PDE3A: variants seen among roughly 807,000 people sequenced by gnomAD.
PDE3A encodes the protein cGMP-inhibited 3',5'-cyclic phosphodiesterase 3A.
Under a neutral mutation model 98.3 loss-of-function variants are expected in PDE3A, and 43 were observed. The ratio of observed to expected loss-of-function variants is 0.44; its 90% CI spans 0.34 to 0.56. PDE3A has a LOEUF of 0.56. Among genes scored for constraint, PDE3A ranks in the 20% least tolerant of loss-of-function variants. The probability of loss-of-function intolerance (pLI) is 0.01; values close to 1 mark genes in which losing one functional copy is unlikely to be tolerated. For synonymous variants in PDE3A, 663 were observed against 567.9 expected, an observed-to-expected ratio of 1.17 and a Z score of -2.38; for missense variants, 1,427 against 1,440.7, an observed-to-expected ratio of 0.99 and a Z score of 0.15.
At chr12:20,498,766 T>C (rs753091452) in intron 1 of PDE3A, among the ~76,000 whole-genome samples, 1 of 152,214 alleles carries the variant, frequency 6.6e-6, no homozygotes. Context: ...GTAGAACCTA[T>C]AAAATTGAAC....
At chr12:20,476,927 A>C (rs2120989830) in intron 1 of PDE3A, among the ~76,000 whole-genome samples, 1 of 152,346 alleles carries the variant, frequency 6.6e-6, no homozygotes, top group South Asian at 2.1e-4. Flanking sequence ...CATTAACAAT[A>C]AAGTGGCAGC....
intron 1 of PDE3A, among the ~76,000 whole-genome samples, chr12:20,421,503 G>C (rs547339747): frequency 6.6e-6 from 1 of 151,424 alleles, no homozygotes; most frequent in Non-Finnish European, 1.5e-5. Flanking sequence ...CAATTATGTT[G>C]CCATCTATCT....
At chr12:20,433,219 G>A (rs1376429461) in intron 1 of PDE3A, among the ~76,000 whole-genome samples, 2 of 152,114 alleles carry the variant, frequency 1.3e-5, no homozygotes, top group African/African-American at 4.8e-5. Flanking sequence ...GTGGGACACA[G>A]CAGACCTGTG....
intron 2 of PDE3A, among the ~76,000 whole-genome samples, chr12:20,591,075 T>G (rs1943329073): frequency 6.6e-6 from 1 of 152,228 alleles, no homozygotes. Flanking sequence ...TAAAACAATG[T>G]GTTTCTGAAT....
At chr12:20,607,167 G>A (rs183859699) in intron 2 of PDE3A, among the ~76,000 whole-genome samples, 15 of 152,044 alleles carry the variant, frequency 9.9e-5, no homozygotes, top group African/African-American at 1.7e-4. Context: ...AGTCGGGCGC[G>A]GTGGCTAACA....
chr12:20,654,309 C>T lies in PDE3A; in HGVS notation c.3184+104C>T, dbSNP rs889164146. On this transcript the variant is annotated intron_variant, in intron 15 of 15. Transcript: ENST00000359062. ...AAATACACAATACTTCAAGTCTAAA[C>T]ATCATTTGCGGAGTTTGACTACGGA... is the stretch of plus-strand genomic sequence containing the variant. The T allele has an allele frequency of 3.6e-6, 4 of 1,108,670 alleles. No individual in the cohort carries two copies. The African/African-American group carries it at 6.3e-5, about 17-fold the overall frequency. The allele number at this position is 1,108,670 out of a possible 1,614,324, so 68.7% of individuals were successfully genotyped here.
At chr12:20,662,129 T>C (rs531017221) in intron 15 of PDE3A, among the ~76,000 whole-genome samples, 59 of 152,238 alleles carry the variant, frequency 3.9e-4, no homozygotes, top group African/African-American at 1.4e-3. Context: ...GTAAGTCCAA[T>C]AAACTTCTTT....
intron 4 of PDE3A, among the ~76,000 whole-genome samples, chr12:20,617,957 T>A (rs1312456511): frequency 6.6e-6 from 1 of 152,090 alleles, no homozygotes; most frequent in African/African-American, 2.4e-5. Flanking sequence ...AAATGGATCA[T>A]CCAAATATTT....
In PDE3A at chr12:20,552,649, T is replaced by C. The variant is rs1942245479; in HGVS notation, c.961-4011T>C. 6.2e-7 allele frequency: 1 copy of C among 1,613,814 alleles called. No individual in the cohort carries two copies. The highest frequency in any genetic ancestry group is 1.3e-5 in the African/African-American group (1 of 75,036). On this transcript the variant is annotated intron_variant, in intron 1 of 15. Transcript: ENST00000359062. This position sits in a 1 kb window ranked among gnomAD's most constrained non-coding sequence, Gnocchi z 5.1. ...ATCCAAGAAAACCAAGGTGGAGCCC[T>C]ACAGTCTCACGGCCCAGCAGAGCAG...
chr12:20,629,875 T>C (rs988120977), intron 5 of PDE3A, 33 bp from the exon 6 acceptor site: 3 of 1,521,294 alleles, frequency 2.0e-6, no homozygotes, highest in South Asian at 1.1e-5. Flanking sequence ...TTAAAGACAT[T>C]TGTTTAGTTA....
Position 20,648,761 on chromosome 12 carries a change from G to A in PDE3A, c.2639G>A (p.Arg880Gln), listed in dbSNP as rs375107258. The A allele has an allele frequency of 1.1e-5, 17 of 1,612,762 alleles. No homozygotes were observed. Among genetic ancestry groups the A allele is most frequent in the African/African-American group, 2.7e-5 (2 of 74,926 alleles). The change falls in exon 13 of 16, where the codon CGG (arginine) becomes CAG (glutamine). Residue 880 changes from arginine (R) to glutamine (Q), a missense_variant. Around this residue, in one of 3 missense-constraint regions of PDE3A, gnomAD observed 273 missense variants for 420.3 expected, o/e 0.65. Coordinates refer to ENST00000359062, the MANE Select transcript of PDE3A (RefSeq NM_000921.5). The stretch of plus-strand genomic sequence containing the variant: ...GCTGCATGGAATCTTTTCATGTCCC[G>A]GCCAGAGTATAACTTCTTAATTAAC... ...AAAAWNLFMS[R>Q]PEYNFLINLD...
At chr12:20,386,170 TAA>T (rs374386815) in intron 1 of PDE3A, among the ~76,000 whole-genome samples, 16 of 91,418 alleles carry the variant, frequency 1.8e-4, no homozygotes, top group African/African-American at 7.0e-4. Context: ...TATAAATATA[TAA>T]AAATATATAT....
At chr12:20,532,878 C>T (rs1592026844) in intron 1 of PDE3A, among the ~76,000 whole-genome samples, 1 of 152,046 alleles carries the variant, frequency 6.6e-6, no homozygotes. Flanking sequence ...TTAGTAGAGA[C>T]GGGGTTTCAC....
At chr12:20,633,632 A>G (rs1944432526) in intron 6 of PDE3A, 61 bp from the exon 7 acceptor site, 12 of 801,098 alleles carry the variant, frequency 1.5e-5, no homozygotes, top group Non-Finnish European at 2.5e-5. Flanking sequence ...CATAGATGGT[A>G]TGTGCCTATG....
chr12:20,378,708 G>A lies in PDE3A; in HGVS notation c.960+8464G>A, dbSNP rs78287690. Among the ~76,000 whole-genome samples the A allele has an allele frequency of 4.4e-3, 664 of 151,824 alleles. 3 individuals are homozygous for A. Among genetic ancestry groups the A allele is most frequent in the Non-Finnish European group, 6.8e-3 (463 of 67,758 alleles). On this transcript the variant is annotated intron_variant, in intron 1 of 15. Coordinates refer to ENST00000359062, the MANE Select transcript of PDE3A (RefSeq NM_000921.5). ...GCTAGCTGAAGAATGAAATGTCATT[G>A]TAACACACATCTGTTTCTTGAAAGA...
chr12:20,441,849 T>A (rs1944875874), intron 1 of PDE3A, among the ~76,000 whole-genome samples: 1 of 152,204 alleles, frequency 6.6e-6, no homozygotes, highest in Admixed American at 6.5e-5. Flanking sequence ...GATCATATAG[T>A]GCATGTGCTT....
At chr12:20,432,410 T>A (rs927484919) in intron 1 of PDE3A, among the ~76,000 whole-genome samples, 4 of 152,256 alleles carry the variant, frequency 2.6e-5, no homozygotes, top group Non-Finnish European at 2.9e-5. Flanking sequence ...TAACAGTACA[T>A]ACTCTGTTGT....
intron 5 of PDE3A, among the ~76,000 whole-genome samples, chr12:20,629,173 A>T (rs919159171): frequency 3.3e-5 from 5 of 152,170 alleles, no homozygotes; most frequent in African/African-American, 1.2e-4. Flanking sequence ...TGGTCTTCCA[A>T]CAGCCACGTT....
intron 10 of PDE3A, among the ~76,000 whole-genome samples, chr12:20,640,908 T>C (rs1029995774): frequency 1.3e-5 from 2 of 152,098 alleles, no homozygotes; most frequent in Non-Finnish European, 2.9e-5. Context: ...TTAAATCATA[T>C]TTTAGCTTTT....
Sources: gnomAD v4.1 joint callset for allele counts (sites outside exome capture counted in the v4.1 genomes callset) on GRCh38, gnomAD v4.1.1 for gene constraint, gnomAD v4.1.1 regional missense constraint, Gnocchi (gnomAD v3.1) non-coding constraint, MANE v1.5 for transcripts, NCBI Gene and HGNC (gene_info 2026-07-23, HGNC 2026-07-21) for gene names.